Variants in CSMD1 observed in about 807,000 individuals in gnomAD.
CSMD1 encodes the protein CUB and Sushi multiple domains 1.
A neutral mutation model predicts 417.5 loss-of-function variants in CSMD1; 213 were observed. The ratio of observed to expected loss-of-function variants is 0.51; its 90% CI spans 0.46 to 0.57. The LOEUF (loss-of-function observed/expected upper bound fraction) is 0.57, where lower values mean the gene tolerates loss of function less well. CSMD1 is among the 20% of genes least tolerant of loss of function. CSMD1 has a pLI of 0.00. For synonymous variants in CSMD1, 2,862 were observed against 1,736.8 expected (o/e 1.65, Z -16.11); for missense variants, 6,923 against 4,529.7 (o/e 1.53, Z -15.17).
intron 2 of CSMD1, among the ~76,000 whole-genome samples, chr8:4,564,141 C>A (rs547291083): frequency 2.0e-5 from 3 of 152,098 alleles, no homozygotes; most frequent in Non-Finnish European, 4.4e-5. Context: ...AAAATGAACA[C>A]GTATAAAAGG....
chr8:4,101,195 A>G (rs1801286572), intron 3 of CSMD1, among the ~76,000 whole-genome samples: 1 of 152,342 alleles, frequency 6.6e-6, no homozygotes, highest in East Asian at 1.9e-4. Context: ...CTATATGCCT[A>G]CATACACGTA....
rs58883924 is a variant in CSMD1, at chr8:3,689,721, C to A, written c.1009+18693G>T. Among the ~76,000 whole-genome samples the A allele has an allele frequency of 2.6e-5, 4 of 151,808 alleles. No homozygotes were observed. In the East Asian group the frequency reaches 7.8e-4, roughly 30 times the overall value. On this transcript the variant is annotated intron_variant, in intron 7 of 69. Transcript: ENST00000635120. ...ATGAGTAAAGTACTATAATCAATCC[C>A]TTTTTAGTGATGAAAACATGATCAC... is the stretch of plus-strand genomic sequence containing the variant.
chr8:4,426,539 TAATA>T (rs1797567909), intron 2 of CSMD1, among the ~76,000 whole-genome samples: 1 of 147,554 alleles, frequency 6.8e-6, no homozygotes, highest in East Asian at 2.0e-4. Context: ...TTATACTGTA[TAATA>T]TATAGGATAT....
intron 3 of CSMD1, among the ~76,000 whole-genome samples, chr8:4,166,326 T>A (rs1220317448): frequency 1.3e-5 from 2 of 152,218 alleles, no homozygotes; most frequent in Non-Finnish European, 2.9e-5. Flanking sequence ...GTAACAGGTC[T>A]ATAAAAGACC....
At chr8:3,894,329 T>C (rs1392479172) in intron 5 of CSMD1, among the ~76,000 whole-genome samples, 2 of 152,176 alleles carry the variant, frequency 1.3e-5, no homozygotes, top group Non-Finnish European at 2.9e-5. Flanking sequence ...AAAGCTTTGC[T>C]CTGGATTTTT....
intron 3 of CSMD1, among the ~76,000 whole-genome samples, chr8:4,195,291 A>T (rs367564997): frequency 1.3e-5 from 2 of 152,174 alleles, no homozygotes; most frequent in Non-Finnish European, 2.9e-5. Flanking sequence ...GCAGTTCCAC[A>T]ATCATAATAT....
At chr8:4,648,482 C>T (rs1385808464) in intron 1 of CSMD1, among the ~76,000 whole-genome samples, 2 of 152,138 alleles carry the variant, frequency 1.3e-5, no homozygotes, top group Non-Finnish European at 2.9e-5. Context: ...ACCATGCATG[C>T]ATGCACACAA....
At chr8:4,144,544 G>C (rs879355478) in intron 3 of CSMD1, among the ~76,000 whole-genome samples, 3 of 150,958 alleles carry the variant, frequency 2.0e-5, no homozygotes, top group Non-Finnish European at 4.4e-5. Flanking sequence ...TCCAGAATCT[G>C]GTTAGAGTCT....
intron 3 of CSMD1, among the ~76,000 whole-genome samples, chr8:4,399,029 T>G (rs545363058): frequency 2.0e-5 from 3 of 152,304 alleles, no homozygotes; most frequent in African/African-American, 7.2e-5. Context: ...TGTAAATAAG[T>G]ATGAGACAAG....
intron 42 of CSMD1, among the ~76,000 whole-genome samples, chr8:3,116,995 A>C (rs1816913003): frequency 6.6e-6 from 1 of 152,168 alleles, no homozygotes; most frequent in South Asian, 2.1e-4. Flanking sequence ...TTTTATATGT[A>C]ATTAAATAAA....
At chr8:4,671,917 G>A (rs974615162) in intron 1 of CSMD1, among the ~76,000 whole-genome samples, 6 of 152,186 alleles carry the variant, frequency 3.9e-5, no homozygotes, top group Non-Finnish European at 8.8e-5. Flanking sequence ...AAGCATGCCA[G>A]TGGAGTGGGT....
chr8:3,792,586 C>G (rs1799811673), intron 5 of CSMD1, among the ~76,000 whole-genome samples: 1 of 152,182 alleles, frequency 6.6e-6, no homozygotes, highest in Non-Finnish European at 1.5e-5. Flanking sequence ...TTAGCTCCCA[C>G]ATACCTTCCT....
chr8:4,274,215 A>G (rs1020809471), intron 3 of CSMD1, among the ~76,000 whole-genome samples: 3 of 152,200 alleles, frequency 2.0e-5, no homozygotes, highest in African/African-American at 4.8e-5. Context: ...AATAGTTTAT[A>G]AAGTCCAGGC....
chr8:4,178,902 A>T (rs1798200992), intron 3 of CSMD1, among the ~76,000 whole-genome samples: 1 of 152,178 alleles, frequency 6.6e-6, no homozygotes, highest in Non-Finnish European at 1.5e-5. Flanking sequence ...GGAGAACTAC[A>T]AACCACTGCT....
chr8:4,532,869 A>C (rs1414565572), intron 2 of CSMD1, among the ~76,000 whole-genome samples: 2 of 148,932 alleles, frequency 1.3e-5, no homozygotes, highest in African/African-American at 5.0e-5. Flanking sequence ...CCATTCAGTC[A>C]CTCCGGAAGA....
chr8:4,193,278 G>T (rs565850024), intron 3 of CSMD1, among the ~76,000 whole-genome samples: 1 of 152,166 alleles, frequency 6.6e-6, no homozygotes, highest in Admixed American at 6.5e-5. Context: ...TGCATCACAC[G>T]TGTATTAAAA....
rs143474557 is a variant in CSMD1, at chr8:4,157,161, T to A, written c.416-125062A>T. Among the ~76,000 whole-genome samples the A allele has an allele frequency of 1.4e-4, 21 of 152,222 alleles. No individual in the cohort carries two copies. In the East Asian group the frequency reaches 2.5e-3, roughly 18 times the overall value. On this transcript the variant is annotated intron_variant, in intron 3 of 69. Coordinates refer to ENST00000635120, the MANE Select transcript of CSMD1 (RefSeq NM_033225.6). ...ATATTTTTAAGTGGTAGAAGAAACA[T>A]CAGAAGAAGATTTTGGGACAAGTGA... is the stretch of plus-strand genomic sequence containing the variant.
intron 3 of CSMD1, among the ~76,000 whole-genome samples, chr8:4,270,780 G>C (rs924423778): frequency 5.9e-5 from 9 of 152,106 alleles, no homozygotes; most frequent in African/African-American, 1.9e-4. Context: ...ACCCCCCAGG[G>C]GGCTGTGGCT....
intron 32 of CSMD1, among the ~76,000 whole-genome samples, chr8:3,200,138 G>C (rs1256660090): frequency 6.6e-6 from 1 of 151,984 alleles, no homozygotes; most frequent in African/African-American, 2.4e-5. Flanking sequence ...ACCTTACTCT[G>C]ATTTTAGTTA....
Sources: gnomAD v4.1 joint callset for allele counts (sites outside exome capture counted in the v4.1 genomes callset) on GRCh38, gnomAD v4.1.1 for gene constraint, MANE v1.5 for transcripts, NCBI Gene and HGNC (gene_info 2026-07-23, HGNC 2026-07-21) for gene names.